The following MPDZ variants were observed in gnomAD, a reference collection of about 807,000 sequenced individuals.
MPDZ encodes the protein multiple PDZ domain crumbs cell polarity complex component, also known as multiple PDZ domain protein.
MPDZ carries 234 observed loss-of-function variants against 239.1 expected under a neutral mutation model. The ratio of observed to expected loss-of-function variants is 0.98; its 90% confidence interval spans 0.88 to 1.09. The LOEUF (loss-of-function observed/expected upper bound fraction) is 1.09. Among genes scored for constraint, MPDZ ranks in the 50% least tolerant of loss-of-function variants. The probability of loss-of-function intolerance (pLI) is 0.00; values close to 1 mark genes in which losing one functional copy is unlikely to be tolerated. For synonymous variants in MPDZ, 1,048 were observed against 881.3 expected (o/e 1.19, Z -3.35); for missense variants, 3,175 against 2,510.0 (o/e 1.26, Z -5.66).
At chr9:13,237,080 C>G (rs1381039299) in intron 3 of MPDZ, among the ~76,000 whole-genome samples, 3 of 152,050 alleles carry the variant, frequency 2.0e-5, no homozygotes, top group African/African-American at 7.2e-5. Flanking sequence ...ATTCTTGATA[C>G]AGTAAAACTT....
chr9:13,174,211 T>C (rs10960962), intron 21 of MPDZ, among the ~76,000 whole-genome samples: 1 of 152,226 alleles, frequency 6.6e-6, no homozygotes, highest in African/African-American at 2.4e-5. Context: ...CTTTTAAGCC[T>C]TTAATGTTCT....
At chr9:13,188,602 T>C (rs554428890) in intron 17 of MPDZ, among the ~76,000 whole-genome samples, 182 bp downstream of exon 17, 8 of 152,248 alleles carry the variant, frequency 5.3e-5, no homozygotes, top group Admixed American at 2.0e-4. Context: ...GCTATTTTCT[T>C]TCCTTTATTT....
At chr9:13,243,676 G>T (rs1391524504) in intron 3 of MPDZ, among the ~76,000 whole-genome samples, 1 of 152,064 alleles carries the variant, frequency 6.6e-6, no homozygotes, top group Non-Finnish European at 1.5e-5. Context: ...TTTCAACCCT[G>T]ATCCCATGTT....
At chr9:13,128,769 G>C (rs1945484433) in intron 32 of MPDZ, among the ~76,000 whole-genome samples, 1 of 152,148 alleles carries the variant, frequency 6.6e-6, no homozygotes, top group South Asian at 2.1e-4. Flanking sequence ...CAGAAGGCTT[G>C]AACAGCCATC....
In MPDZ at chr9:13,191,095, A is replaced by C. The variant is rs549799109; in HGVS notation, c.1969-796T>G. 3.4e-3 allele frequency among the ~76,000 whole-genome samples: 520 copies of C among 152,254 alleles called. 2 individuals are homozygous for C. Among genetic ancestry groups the C allele is most frequent in the African/African-American group, 0.012 (484 of 41,566 alleles). ...CTTTGCTTCTAATCAATTATTGCACAGCCTAGGACCACAGATACAAATGAC... is the reference window on the plus strand; with the variant it reads ...CTTTGCTTCTAATCAATTATTGCACCGCCTAGGACCACAGATACAAATGAC... On this transcript the variant is annotated intron_variant, in intron 15 of 46. Transcript: ENST00000319217.
Position 13,198,733 on chromosome 9 carries a change from C to CTGTGTGTGTGTGTGTGTG in MPDZ, c.1547-2504_1547-2503insCACACACACACACACACA, listed in dbSNP as rs746268904. 5.6e-4 allele frequency among the ~76,000 whole-genome samples: 50 copies of CTGTGTGTGTGTGTGTGTG among 89,498 alleles called. 1 individual carries two copies. Among genetic ancestry groups the CTGTGTGTGTGTGTGTGTG allele is most frequent in the African/African-American group, 1.3e-3 (45 of 35,356 alleles). 58.7% of individuals were successfully genotyped at this position (89,498 alleles called of 152,430 possible). A position where few individuals can be genotyped will look rare whatever the true frequency, so the allele number is the denominator to read the frequency against. The stretch of plus-strand genomic sequence containing the variant: ...TCTTATATTTAGGTCTTTAATCTCT[C>CTGTGTGTGTGTGTGTGTG]TCTCTGTGTGTGTGTGTGTGTGTGT... On this transcript the variant is annotated intron_variant, in intron 12 of 46. Transcript: ENST00000319217.
intron 3 of MPDZ, among the ~76,000 whole-genome samples, chr9:13,230,218 T>A (rs1013285992): frequency 6.6e-6 from 1 of 152,274 alleles, no homozygotes; most frequent in Non-Finnish European, 1.5e-5. Flanking sequence ...TGTAAAATGG[T>A]ACACCCCACT....
intron 14 of MPDZ, among the ~76,000 whole-genome samples, chr9:13,192,832 T>G (rs1955119502): frequency 6.6e-6 from 1 of 152,180 alleles, no homozygotes; most frequent in Non-Finnish European, 1.5e-5. Flanking sequence ...AAGGAGACCC[T>G]TTTCCATTCT....
chr9:13,190,363 T>G (rs1322372700), intron 15 of MPDZ, 64 bp from the exon 16 acceptor site: 1 of 1,306,796 alleles, frequency 7.7e-7, no homozygotes, highest in African/African-American at 1.5e-5. Context: ...ATACCAACAC[T>G]ACAAGAAAAG....
Position 13,216,988 on chromosome 9 carries a change from T to C in MPDZ, c.1202-126A>G, listed in dbSNP as rs113675130. 3,217 of 809,028 alleles carry C rather than the reference T, an allele frequency of 4.0e-3. 69 individuals carry two copies. In the African/African-American group the frequency reaches 0.051, roughly 13 times the overall value. The allele number at this position is 809,028 out of a possible 1,614,324, so 50.1% of individuals were successfully genotyped here. On this transcript the variant is annotated intron_variant, in intron 9 of 46. Coordinates refer to ENST00000319217, the MANE Select transcript of MPDZ (RefSeq NM_001378778.1). ...CGTATCATCTAGTAGAAACACAGGC[T>C]AAAGAATAAGATAATTGTTTTGTCT...
intron 12 of MPDZ, among the ~76,000 whole-genome samples, chr9:13,199,549 G>A (rs1956133293): frequency 6.6e-6 from 1 of 151,948 alleles, no homozygotes; most frequent in Admixed American, 6.6e-5. Context: ...TGAAAAAAAG[G>A]TGGTAAAAGT....
chr9:13,150,483 T>C, intron 25 of MPDZ, 28 bp downstream of exon 25: 1 of 1,439,232 alleles, frequency 6.9e-7, no homozygotes, highest in Non-Finnish European at 9.2e-7. Context: ...CAAACAAATT[T>C]TAGCACAGAA....
Position 13,178,676 on chromosome 9 carries a change from A to T in MPDZ, c.2650-2259T>A, listed in dbSNP as rs111996899. The stretch of plus-strand genomic sequence containing the variant: ...GAGAAAACTATCTTAATAGGCATTT[A>T]CAGGTATTTATGGTGACGAATAGAC... On this transcript the variant is annotated intron_variant, in intron 19 of 46. Transcript: ENST00000319217. Among the ~76,000 whole-genome samples the T allele has an allele frequency of 4.5e-3, 685 of 152,316 alleles. 3 individuals are homozygous for T. Among genetic ancestry groups the T allele is most frequent in the African/African-American group, 0.016 (661 of 41,562 alleles).
Position 13,190,164 on chromosome 9 carries a change from C to A in MPDZ, c.2104G>T (p.Glu702Ter), listed in dbSNP as rs4741289. Residue 702 changes from glutamate (E) to a stop codon, truncating the protein, a stop_gained, in exon 16 of 47, where the codon GAG (glutamate) becomes TAG (stop). Transcript: ENST00000319217. LOFTEE classifies it high-confidence loss of function. The part of the protein sequence containing the change: ...AMWEAGIQHI[E>*]LEKGSKGLGF... ...AGTCCTTTGCTCCCTTTCTCCAGCT[C>A]TATGTGCTGAATGCCAGCCTCCCAC... 1.9e-6 allele frequency: 3 copies of A among 1,613,236 alleles called. No homozygotes were observed. Among genetic ancestry groups the A allele is most frequent in the Non-Finnish European group, 1.7e-6 (2 of 1,179,526 alleles).
In MPDZ at chr9:13,117,850, T is replaced by C. The variant is rs200976219; in HGVS notation, c.5379+1652A>G. 5.7e-4 allele frequency among the ~76,000 whole-genome samples: 87 copies of C among 151,316 alleles called. 2 individuals are homozygous for C. In the East Asian group the frequency reaches 0.015, roughly 26 times the overall value. On this transcript the variant is annotated intron_variant, in intron 39 of 46. Transcript: ENST00000319217. ...TATATACTTTCAGATTAGCTTTTTTTTTTTTTTTTTTGAGATGGAGTTTCA... is the reference window on the plus strand; with the variant it reads ...TATATACTTTCAGATTAGCTTTTTTCTTTTTTTTTTTGAGATGGAGTTTCA...
At chr9:13,155,014 C>T (rs1383299625) in intron 24 of MPDZ, among the ~76,000 whole-genome samples, 1 of 152,044 alleles carries the variant, frequency 6.6e-6, no homozygotes, top group Non-Finnish European at 1.5e-5. Flanking sequence ...GTCAAGAAAT[C>T]GAGACCATCC....
At chr9:13,193,404 G>C in intron 13 of MPDZ, 91 bp from the exon 14 acceptor site, 1 of 1,353,986 alleles carries the variant, frequency 7.4e-7, no homozygotes, top group Non-Finnish European at 9.7e-7. Flanking sequence ...TTACCCAAAA[G>C]TGGTCATCTT....
rs1371644088 is a variant in MPDZ at position 13,176,381 on chromosome 9, G to T, written c.2686C>A (p.Leu896Met). 1 of 1,597,776 alleles carries T rather than the reference G, an allele frequency of 6.3e-7. No homozygotes were observed. Among genetic ancestry groups the T allele is most frequent in the East Asian group, 2.3e-5 (1 of 44,414 alleles). Residue 896 changes from leucine (L) to methionine (M), a missense_variant, in exon 20 of 47, where the codon CTG (leucine) becomes ATG (methionine). Physicochemically the swap from Leu to Met is conservative, Grantham distance 15. Transcript: ENST00000319217. ...TATAGTTCCTCCAGAGACATATGCA[G>T]ATCAAGTACTGGATCACAAGAATTT... ...IENSCDPVLD[L>M]HMSLEELYTQ...
At position 13,205,913 on chromosome 9, in the gene MPDZ, T is replaced by C. The variant is rs1046775225; in HGVS notation, c.1474+3A>G. ...ACTAAAAACCAGATTAACATAGGATTACCTTTGATTATGCTGGCATTAACA... is the reference window on the plus strand; with the variant it reads ...ACTAAAAACCAGATTAACATAGGATCACCTTTGATTATGCTGGCATTAACA... On this transcript the variant is annotated splice_donor_region_variant and intron_variant, in intron 11 of 46. Coordinates refer to ENST00000319217, the MANE Select transcript of MPDZ (RefSeq NM_001378778.1). The C allele has an allele frequency of 1.3e-6, 2 of 1,581,528 alleles. No individual in the cohort carries two copies. The highest frequency in any genetic ancestry group is 2.7e-5 in the African/African-American group (2 of 73,538).
Sources: gnomAD v4.1 joint callset for allele counts (sites outside exome capture counted in the v4.1 genomes callset) on GRCh38, gnomAD v4.1.1 for gene constraint, MANE v1.5 for transcripts, NCBI Gene and HGNC (gene_info 2026-07-23, HGNC 2026-07-21) for gene names.